Variants in EEIG1 observed in about 807,000 individuals in gnomAD.
EEIG1 encodes the protein estrogen-induced osteoclastogenesis regulator 1, also known as early estrogen-induced gene 1 protein.
the EEIG1 span, among the ~76,000 whole-genome samples, chr9:127,978,381 C>T: frequency 4.6e-5 from 7 of 152,170 alleles, no homozygotes; most frequent in Admixed American, 4.6e-4. Flanking sequence ...GCCTATAACA[C>T]GCACACATGG....
chr9:127,974,523 T>A, the EEIG1 span, among the ~76,000 whole-genome samples: 2 of 152,156 alleles, frequency 1.3e-5, no homozygotes, highest in East Asian at 3.8e-4. Flanking sequence ...GGGTCACTTC[T>A]TCCAGGAAGC....
chr9:127,978,507 G>A, the EEIG1 span, among the ~76,000 whole-genome samples: 2 of 151,214 alleles, frequency 1.3e-5, no homozygotes, highest in Non-Finnish European at 2.9e-5. Flanking sequence ...GGCCCTGCCC[G>A]CATACTATTT....
At chr9:127,946,086 G>A in the EEIG1 span, among the ~76,000 whole-genome samples, 1 of 152,254 alleles carries the variant, frequency 6.6e-6, no homozygotes, top group Non-Finnish European at 1.5e-5. Context: ...GGCCCAGTCT[G>A]GGGACAGGGG....
the EEIG1 span, among the ~76,000 whole-genome samples, chr9:127,977,656 C>G: frequency 6.6e-6 from 1 of 152,212 alleles, no homozygotes; most frequent in African/African-American, 2.4e-5. Context: ...CGAGACATAA[C>G]ACACAGATTA....
At chr9:127,954,014 G>A in the EEIG1 span, 1 of 1,513,332 alleles carries the variant, frequency 6.6e-7, no homozygotes. Flanking sequence ...ACTCCCCATT[G>A]GGACTGAGGC....
chr9:127,942,832 T>G, the EEIG1 span: 1 of 325,538 alleles, frequency 3.1e-6, no homozygotes, highest in Non-Finnish European at 5.9e-6. Context: ...CATCTCTACA[T>G]TTAGGAGCCG....
chr9:127,948,545 G>T, the EEIG1 span: 1 of 882,192 alleles, frequency 1.1e-6, no homozygotes, highest in Non-Finnish European at 1.8e-6. Flanking sequence ...CCCCCTCCTG[G>T]CTTGGGGGCT....
the EEIG1 span, chr9:127,953,731 G>C: frequency 4.3e-6 from 7 of 1,609,912 alleles, no homozygotes; most frequent in Non-Finnish European, 6.0e-6. Flanking sequence ...CCCATTTTCA[G>C]CTGGGGGTGC....
the EEIG1 span, among the ~76,000 whole-genome samples, chr9:127,977,292 T>C: frequency 6.6e-6 from 1 of 152,154 alleles, no homozygotes; most frequent in East Asian, 1.9e-4. Flanking sequence ...TTAAGGCCCC[T>C]TGCCAGGAGG....
At chr9:127,949,132 G>A in the EEIG1 span, among the ~76,000 whole-genome samples, 27 of 152,080 alleles carry the variant, frequency 1.8e-4, 1 homozygote, top group South Asian at 3.9e-3. Flanking sequence ...TGGCTAACAC[G>A]GTGAAACCCC....
chr9:127,961,736 G>A, the EEIG1 span, among the ~76,000 whole-genome samples: 1 of 152,220 alleles, frequency 6.6e-6, no homozygotes, highest in African/African-American at 2.4e-5. Context: ...TTCATGGGAA[G>A]GTGACATCTA....
At chr9:127,941,641 T>G in the EEIG1 span, 1 of 152,132 alleles carries the variant, frequency 6.6e-6, no homozygotes, top group Non-Finnish European at 1.5e-5. Context: ...GAAGCCCAAC[T>G]CTCACCAGCG....
At chr9:127,953,845 C>T in the EEIG1 span, 1 of 1,614,026 alleles carries the variant, frequency 6.2e-7, no homozygotes, top group East Asian at 2.2e-5. Flanking sequence ...GTCCAGCAGG[C>T]CGGTGGCCGG....
the EEIG1 span, among the ~76,000 whole-genome samples, chr9:127,946,002 G>C: frequency 6.6e-6 from 1 of 152,252 alleles, no homozygotes. Context: ...GAAGAACGCT[G>C]AACAAAAACT....
At chr9:127,948,020 A>G in the EEIG1 span, 3 of 1,568,362 alleles carry the variant, frequency 1.9e-6, no homozygotes, top group Non-Finnish European at 2.6e-6. Context: ...ACATGGAGGT[A>G]AACCCCTCGG....
the EEIG1 span, among the ~76,000 whole-genome samples, chr9:127,958,373 A>C: frequency 6.6e-6 from 1 of 152,228 alleles, no homozygotes; most frequent in Non-Finnish European, 1.5e-5. Context: ...CATCAAAATT[A>C]AAAACTTTTA....
At chr9:127,950,341 C>G in the EEIG1 span, 6 of 1,423,202 alleles carry the variant, frequency 4.2e-6, no homozygotes, top group Admixed American at 3.5e-5. Flanking sequence ...TTTAACAACC[C>G]TCCTCCAGAG....
the EEIG1 span, among the ~76,000 whole-genome samples, chr9:127,965,106 C>CAAAA: frequency 4.3e-5 from 3 of 69,724 alleles, no homozygotes; most frequent in African/African-American, 1.7e-4. Flanking sequence ...AAGACTGTCT[C>CAAAA]AAAAAAAAAA....
At chr9:127,950,364 C>T in the EEIG1 span, 7 of 1,543,122 alleles carry the variant, frequency 4.5e-6, no homozygotes, top group Non-Finnish European at 8.9e-7. Flanking sequence ...TTCTGATGAG[C>T]AGCCTGGTTT....
Sources: gnomAD v4.1 joint callset for allele counts (sites outside exome capture counted in the v4.1 genomes callset) on GRCh38, gnomAD v4.1.1 for gene constraint, MANE v1.5 for transcripts, NCBI Gene and HGNC (gene_info 2026-07-23, HGNC 2026-07-21) for gene names.